The following SYN2 variants were observed in gnomAD, a reference collection of about 807,000 sequenced individuals.
SYN2 encodes synapsin II.
SYN2 carries 19 observed loss-of-function variants against 50.9 expected under a neutral mutation model. The observed-to-expected ratio is 0.37, with a 90% CI of 0.26 to 0.55. The LOEUF is 0.55. Ranked by LOEUF, SYN2 falls within the 20% of genes least tolerant of loss-of-function variation. The probability of loss-of-function intolerance (pLI) is 0.81; values close to 1 mark genes in which losing one functional copy is unlikely to be tolerated. For synonymous variants in SYN2, 255 were observed against 224.9 expected (o/e 1.13, Z -1.20); for missense variants, 587 against 576.4 (o/e 1.02, Z -0.19).
chr3:12,095,402 G>A (rs1351663731), intron 1 of SYN2, among the ~76,000 whole-genome samples: 1 of 137,284 alleles, frequency 7.3e-6, no homozygotes, highest in Admixed American at 7.7e-5. Flanking sequence ...CAAAAAATTA[G>A]CTGGGCATGG....
intron 1 of SYN2, among the ~76,000 whole-genome samples, chr3:12,025,154 C>G (rs1195354273): frequency 1.3e-5 from 2 of 151,846 alleles, no homozygotes; most frequent in South Asian, 2.1e-4. Flanking sequence ...TATAAGGACA[C>G]CATTCCCATC....
At chr3:12,006,555 AG>A (rs1390680259) in intron 1 of SYN2, among the ~76,000 whole-genome samples, 7 of 152,222 alleles carry the variant, frequency 4.6e-5, no homozygotes, top group Non-Finnish European at 8.8e-5. Context: ...ACTGAGGCTT[AG>A]GAAAGGTAAG....
intron 7 of SYN2, among the ~76,000 whole-genome samples, chr3:12,166,694 G>GT (rs1441673217): frequency 6.6e-6 from 1 of 152,212 alleles, no homozygotes; most frequent in Admixed American, 6.5e-5. Flanking sequence ...TAATGAATGA[G>GT]TGAGTGAGCC....
At chr3:12,054,415 G>T (rs898538842) in intron 1 of SYN2, among the ~76,000 whole-genome samples, 2 of 152,126 alleles carry the variant, frequency 1.3e-5, no homozygotes, top group African/African-American at 4.8e-5. Context: ...GTGTATAGCC[G>T]GTTGACACAG....
intron 1 of SYN2, among the ~76,000 whole-genome samples, chr3:12,109,030 T>G (rs991874264): frequency 3.3e-5 from 5 of 152,166 alleles, no homozygotes; most frequent in Admixed American, 6.5e-5. Context: ...TTCCTTTACA[T>G]TTTGAAGTTT....
chr3:12,065,743 G>A (rs1162783091), intron 1 of SYN2, among the ~76,000 whole-genome samples: 1 of 151,964 alleles, frequency 6.6e-6, no homozygotes, highest in African/African-American at 2.4e-5. Context: ...AAAACTAACT[G>A]TTGAGTACTA....
chr3:12,039,888 C>T (rs1694576041), intron 1 of SYN2, among the ~76,000 whole-genome samples: 1 of 152,194 alleles, frequency 6.6e-6, no homozygotes, highest in South Asian at 2.1e-4. Context: ...TGACATGTTT[C>T]CTGCCTTTAA....
At chr3:12,070,557 G>A in intron 1 of SYN2, 3 of 1,143,296 alleles carry the variant, frequency 2.6e-6, no homozygotes, top group East Asian at 3.8e-5. Context: ...GCTGACGGAG[G>A]CCCTTGTGAA....
At chr3:12,104,948 T>C (rs1696154069) in intron 1 of SYN2, among the ~76,000 whole-genome samples, 1 of 152,218 alleles carries the variant, frequency 6.6e-6, no homozygotes, top group African/African-American at 2.4e-5. Flanking sequence ...GAGCATTAAC[T>C]TGATTCTTTT....
intron 10 of SYN2, 136 bp from the exon 11 acceptor site, chr3:12,183,176 C>G: frequency 8.1e-7 from 1 of 1,236,140 alleles, no homozygotes; most frequent in Non-Finnish European, 1.1e-6. Flanking sequence ...GCAGCAGAAG[C>G]CTATGGCCAG....
intron 1 of SYN2, among the ~76,000 whole-genome samples, chr3:12,046,959 A>G (rs1694754102): frequency 6.6e-6 from 1 of 151,866 alleles, no homozygotes; most frequent in Non-Finnish European, 1.5e-5. Flanking sequence ...ATGAGACAAT[A>G]AAGAGAATGA....
chr3:12,111,241 G>GCCAT (rs1345209737), intron 1 of SYN2, among the ~76,000 whole-genome samples: 2 of 152,278 alleles, frequency 1.3e-5, no homozygotes, highest in African/African-American at 4.8e-5. Context: ...TTTGCCTGCT[G>GCCAT]CCATCCATGT....
At chr3:12,062,417 A>G (rs1695131349) in intron 1 of SYN2, among the ~76,000 whole-genome samples, 1 of 152,000 alleles carries the variant, frequency 6.6e-6, no homozygotes, top group Non-Finnish European at 1.5e-5. Flanking sequence ...AAAACACAGG[A>G]GGAACTCTAG....
intron 4 of SYN2, 124 bp downstream of exon 4, chr3:12,145,959 C>G: frequency 7.4e-7 from 1 of 1,347,720 alleles, no homozygotes; most frequent in Non-Finnish European, 1.0e-6. Flanking sequence ...ATCTTCCAGG[C>G]CCCTAGGAGG....
chr3:12,026,612 G>A lies in SYN2; in HGVS notation c.377+21684G>A, dbSNP rs186379769. Among the ~76,000 whole-genome samples the A allele has an allele frequency of 1.9e-4, 29 of 152,230 alleles. 1 individual carries two copies. The highest frequency in any genetic ancestry group is 1.7e-3 in the Admixed American group (26 of 15,288). ...AAGGCCTCTCAGGTAGAGGAGTGAG[G>A]CAGAAGATATGAAAAGACATTGCTC... On this transcript the variant is annotated intron_variant, in intron 1 of 12. Coordinates refer to ENST00000621198, the MANE Select transcript of SYN2 (RefSeq NM_133625.6).
chr3:12,166,234 A>G (rs1697789953), intron 7 of SYN2, among the ~76,000 whole-genome samples: 1 of 152,230 alleles, frequency 6.6e-6, no homozygotes, highest in African/African-American at 2.4e-5. Context: ...TAAGGGCAGC[A>G]TATGAGGGGC....
At chr3:12,093,858 A>AG (rs1559417074) in intron 1 of SYN2, among the ~76,000 whole-genome samples, 1 of 48,660 alleles carries the variant, frequency 2.1e-5, no homozygotes, top group African/African-American at 7.5e-5. Context: ...TCTGCCCTGC[A>AG]ATTTTTTTTT....
At chr3:12,104,623 G>A (rs78230452) in intron 1 of SYN2, among the ~76,000 whole-genome samples, 6,907 of 121,502 alleles carry the variant, frequency 0.057, 237 homozygotes, top group Middle Eastern at 0.24. Context: ...TGCCCAGGCT[G>A]GAGTGCGGTG....
At chr3:12,103,033 C>G (rs1696110047) in intron 1 of SYN2, among the ~76,000 whole-genome samples, 1 of 151,966 alleles carries the variant, frequency 6.6e-6, no homozygotes, top group Non-Finnish European at 1.5e-5. Context: ...CAAGCTTTAC[C>G]TATGTATTTG....
Sources: gnomAD v4.1 joint callset for allele counts (sites outside exome capture counted in the v4.1 genomes callset) on GRCh38, gnomAD v4.1.1 for gene constraint, MANE v1.5 for transcripts, NCBI Gene and HGNC (gene_info 2026-07-23, HGNC 2026-07-21) for gene names.